Variants in CORO1C observed in about 807,000 individuals in gnomAD.
CORO1C encodes the protein coronin 1C, also known as coronin-1C.
A neutral mutation model predicts 51.2 loss-of-function variants in CORO1C; 14 were observed. The ratio of observed to expected loss-of-function variants is 0.27; its 90% CI spans 0.18 to 0.43. The LOEUF is 0.43. CORO1C is among the 20% of genes least tolerant of loss of function. The probability of loss-of-function intolerance (pLI) is 1.00; values close to 1 mark genes in which losing one functional copy is unlikely to be tolerated. For missense variants in CORO1C, 417 were observed against 607.8 expected (o/e 0.69, Z 3.30); for synonymous variants, 181 against 210.5 (o/e 0.86, Z 1.21).
intron 1 of CORO1C, among the ~76,000 whole-genome samples, chr12:108,702,176 G>A (rs1412182723): frequency 6.6e-6 from 1 of 152,208 alleles, no homozygotes; most frequent in Non-Finnish European, 1.5e-5. Context: ...GCCAGGTACT[G>A]GGCTAGGAAG....
intron 2 of CORO1C, among the ~76,000 whole-genome samples, chr12:108,690,415 A>G (rs2034456959): frequency 6.6e-6 from 1 of 152,228 alleles, no homozygotes; most frequent in Admixed American, 6.5e-5. Flanking sequence ...AGTAAAAAAC[A>G]GCAGTCTTTT....
At chr12:108,655,590 G>C (rs7310556) in intron 6 of CORO1C, among the ~76,000 whole-genome samples, 93,094 of 152,176 alleles carry the variant, frequency 0.61, 29,316 homozygotes, top group East Asian at 0.99. Flanking sequence ...CTGTGTTGGC[G>C]GGGCTGGTCT....
At position 108,658,826 on chromosome 12, in the gene CORO1C, C is replaced by G; in HGVS notation, c.542G>C (p.Ser181Thr). ...DMHSDMIYNV[S>T]WNRNGSLICT... is the part of the protein sequence containing the mutation. ...GATCAGACTGCCATTCCGGTTCCAG[C>G]TCACATTGTAAATCATGTCTGAATG... is the stretch of plus-strand genomic sequence containing the variant. Residue 181 changes from serine to threonine, a missense_variant, in exon 5 of 11, where the codon AGC (serine) becomes ACC (threonine). Physicochemically the swap from Ser to Thr is moderately conservative, Grantham distance 58. Coordinates refer to ENST00000261401, the MANE Select transcript of CORO1C (RefSeq NM_014325.4). The surrounding 1 kb of genome is among the most constrained non-coding windows in gnomAD (Gnocchi z 4.9). 1 of 1,613,978 alleles carries G rather than the reference C, an allele frequency of 6.2e-7. No individual in the cohort carries two copies. Among genetic ancestry groups the G allele is most frequent in the Non-Finnish European group, 8.5e-7 (1 of 1,179,852 alleles).
At chr12:108,702,797 C>A in intron 1 of CORO1C, 1 of 1,526,980 alleles carries the variant, frequency 6.5e-7, no homozygotes, top group South Asian at 1.2e-5. Flanking sequence ...GTCTCTTACC[C>A]TTCCAACGCA....
At chr12:108,687,776 C>G (rs1442681390) in intron 2 of CORO1C, among the ~76,000 whole-genome samples, 1 of 151,648 alleles carries the variant, frequency 6.6e-6, no homozygotes, top group Non-Finnish European at 1.5e-5. Context: ...CAGCGAGACT[C>G]TGTCTCAATA....
At chr12:108,668,239 T>C (rs941145219) in intron 3 of CORO1C, among the ~76,000 whole-genome samples, 1 of 152,194 alleles carries the variant, frequency 6.6e-6, no homozygotes, top group Non-Finnish European at 1.5e-5. Context: ...CATTCCCAAA[T>C]GAACCATGAC....
chr12:108,701,411 A>C, intron 1 of CORO1C, 88 bp from the exon 2 acceptor site: 1 of 1,583,204 alleles, frequency 6.3e-7, no homozygotes, highest in Non-Finnish European at 8.6e-7. Context: ...AGTAGGAAAA[A>C]CAGAATGGTA....
intron 2 of CORO1C, among the ~76,000 whole-genome samples, chr12:108,692,798 T>TA (rs1372239538): frequency 2.7e-5 from 4 of 147,086 alleles, no homozygotes; most frequent in African/African-American, 1.0e-4. Flanking sequence ...CCACAGCTTT[T>TA]TTTTTTTTTT....
chr12:108,706,522 C>T (rs540433184), intron 1 of CORO1C, among the ~76,000 whole-genome samples: 14 of 152,272 alleles, frequency 9.2e-5, no homozygotes, highest in South Asian at 8.3e-4. Context: ...ATCTTATATA[C>T]AGAAAATCCC....
chr12:108,697,331 G>C (rs1307037804), intron 2 of CORO1C, among the ~76,000 whole-genome samples: 1 of 152,102 alleles, frequency 6.6e-6, no homozygotes, highest in Non-Finnish European at 1.5e-5. Context: ...AACAAAAAAG[G>C]GAAAACATTC....
intron 3 of CORO1C, among the ~76,000 whole-genome samples, chr12:108,666,634 A>G (rs1156925033): frequency 2.0e-5 from 3 of 152,138 alleles, no homozygotes; most frequent in African/African-American, 7.2e-5. Context: ...CACTTGGTAC[A>G]TGTTTGGTCC....
chr12:108,670,701 T>C lies in CORO1C; in HGVS notation c.318+7571A>G, dbSNP rs1291045589. Among the ~76,000 whole-genome samples the C allele has an allele frequency of 3.3e-5, 5 of 150,430 alleles. No homozygotes were observed. In the East Asian group the frequency reaches 7.8e-4, roughly 24 times the overall value. ...AATAAGCAAGAAAAAAAAATCAAGG[T>C]TGAACTCCAAAATTACTGTCAGAAA... is the stretch of plus-strand genomic sequence containing the variant. On this transcript the variant is annotated intron_variant, in intron 3 of 10. Coordinates refer to ENST00000261401, the MANE Select transcript of CORO1C (RefSeq NM_014325.4).
intron 1 of CORO1C, among the ~76,000 whole-genome samples, chr12:108,723,459 T>C (rs1439830830): frequency 6.6e-6 from 1 of 152,228 alleles, no homozygotes; most frequent in Non-Finnish European, 1.5e-5. Flanking sequence ...ACCCCTATGA[T>C]ATCAAAAGTA....
At chr12:108,655,545 G>A (rs1338579782) in intron 6 of CORO1C, among the ~76,000 whole-genome samples, 2 of 152,182 alleles carry the variant, frequency 1.3e-5, no homozygotes, top group African/African-American at 2.4e-5. Context: ...ACGCCTGACT[G>A]GTTTTCGTAT....
chr12:108,667,625 G>A (rs898110026), intron 3 of CORO1C, among the ~76,000 whole-genome samples: 1 of 152,216 alleles, frequency 6.6e-6, no homozygotes, highest in Non-Finnish European at 1.5e-5. Context: ...GCTCAGGCCT[G>A]TTGTCCTGGT....
intron 4 of CORO1C, among the ~76,000 whole-genome samples, chr12:108,661,184 C>T (rs2033245648): frequency 6.6e-6 from 1 of 152,182 alleles, no homozygotes; most frequent in Non-Finnish European, 1.5e-5. Context: ...ACAAAGTTCC[C>T]TCATGCTCTC....
intron 6 of CORO1C, among the ~76,000 whole-genome samples, chr12:108,656,666 G>A (rs1485598068): frequency 6.6e-6 from 1 of 152,254 alleles, no homozygotes. Flanking sequence ...CTGTGTAGAA[G>A]GAAGTAGACA....
chr12:108,728,155 G>T (rs991915390), intron 1 of CORO1C, among the ~76,000 whole-genome samples: 1 of 152,138 alleles, frequency 6.6e-6, no homozygotes, highest in Non-Finnish European at 1.5e-5. Flanking sequence ...TCCTCCAATA[G>T]TTAAATATAG....
At chr12:108,706,616 A>G (rs1034957196) in intron 1 of CORO1C, among the ~76,000 whole-genome samples, 2 of 151,980 alleles carry the variant, frequency 1.3e-5, no homozygotes, top group African/African-American at 4.8e-5. Flanking sequence ...TTTTTTTAAG[A>G]TGGAGTCTTG....
Sources: allele counts gnomAD v4.1 joint callset (sites outside exome capture counted in the v4.1 genomes callset), GRCh38; gene constraint gnomAD v4.1.1; non-coding constraint Gnocchi (gnomAD v3.1); transcripts MANE v1.5; gene names NCBI Gene and HGNC (gene_info 2026-07-23, HGNC 2026-07-21).